Variants in PRUNE2 observed in about 807,000 individuals in gnomAD.
PRUNE2 encodes the protein protein prune homolog 2.
Under a neutral mutation model 252.0 loss-of-function variants are expected in PRUNE2, and 164 were observed. That is an observed-to-expected ratio of 0.65 (90% CI 0.57 to 0.74). PRUNE2 has a LOEUF of 0.74. Ranked by LOEUF, PRUNE2 falls within the 30% of genes least tolerant of loss-of-function variation. PRUNE2 has a pLI of 0.00. For missense variants in PRUNE2, 3,495 were observed against 3,711.0 expected (o/e 0.94, Z 1.51); for synonymous variants, 1,292 against 1,350.2 (o/e 0.96, Z 0.94).
chr9:76,879,137 C>T (rs899561419), intron 1 of PRUNE2, among the ~76,000 whole-genome samples: 10 of 152,196 alleles, frequency 6.6e-5, no homozygotes, highest in African/African-American at 2.2e-4. Context: ...TGTTTAAACA[C>T]ATGGCCACAT....
At chr9:76,779,005 A>G (rs1300041352) in intron 6 of PRUNE2, 1 of 152,200 alleles carries the variant, frequency 6.6e-6, no homozygotes, top group Non-Finnish European at 1.5e-5. Flanking sequence ...ATCACTAGTC[A>G]TCTTAAATAA....
chr9:76,797,038 T>TATGCACACACAC (rs1554774312), intron 6 of PRUNE2, among the ~76,000 whole-genome samples: 1 of 151,640 alleles, frequency 6.6e-6, no homozygotes, highest in Non-Finnish European at 1.5e-5. Context: ...CACTCACACA[T>TATGCACACACAC]ACACACACAC....
At chr9:76,631,458 T>C (rs1837571437) in intron 15 of PRUNE2, among the ~76,000 whole-genome samples, 2 of 152,166 alleles carry the variant, frequency 1.3e-5, no homozygotes, top group East Asian at 3.9e-4. Flanking sequence ...CTGCAAAGCC[T>C]CTCTTGATGC....
intron 9 of PRUNE2, among the ~76,000 whole-genome samples, chr9:76,696,429 CTT>C (rs778314137): frequency 2.0e-5 from 3 of 152,050 alleles, no homozygotes; most frequent in Non-Finnish European, 4.4e-5. Flanking sequence ...CACCCTCCGA[CTT>C]CCACTAGGTT....
At chr9:76,721,016 G>A (rs1019434323) in intron 6 of PRUNE2, among the ~76,000 whole-genome samples, 1 of 152,102 alleles carries the variant, frequency 6.6e-6, no homozygotes, top group Non-Finnish European at 1.5e-5. Flanking sequence ...GCAGGAGAAG[G>A]GCATAAACCC....
chr9:76,619,910 C>T (rs1313720272), intron 17 of PRUNE2, among the ~76,000 whole-genome samples: 3 of 152,172 alleles, frequency 2.0e-5, no homozygotes, highest in African/African-American at 7.2e-5. Context: ...GAGCTGTGTC[C>T]AGGTGATACA....
chr9:76,624,055 T>C lies in PRUNE2; in HGVS notation c.9188+397A>G, dbSNP rs146726161. Among the ~76,000 whole-genome samples the C allele has an allele frequency of 1.9e-3, 286 of 152,370 alleles. 1 individual carries two copies. The highest frequency in any genetic ancestry group is 6.4e-3 in the African/African-American group (268 of 41,580). On this transcript the variant is annotated intron_variant, in intron 17 of 18. Coordinates refer to ENST00000376718, the MANE Select transcript of PRUNE2 (RefSeq NM_015225.3). ...TCATAGAAGGCCGTGAAATTGATTC[T>C]ACAAAAATCTTCCAAATCTCGATGT...
Position 76,702,630 on chromosome 9 carries a change from T to TGAATGAATGAAG in PRUNE2, c.8276+706_8276+707insCTTCATTCATTC, listed in dbSNP as rs1588689034. Among the ~76,000 whole-genome samples the TGAATGAATGAAG allele has an allele frequency of 3.3e-5, 5 of 152,190 alleles. No homozygotes were observed. The East Asian group carries it at 9.7e-4, about 29-fold the overall frequency. On this transcript the variant is annotated intron_variant, in intron 9 of 18. Coordinates refer to ENST00000376718, the MANE Select transcript of PRUNE2 (RefSeq NM_015225.3). ...CATGGTGAATGAATGAATGAATGAA[T>TGAATGAATGAAG]CACTGATTTAATGACAGTTTGCCAA...
At chr9:76,754,737 C>T (rs138576115) in intron 6 of PRUNE2, among the ~76,000 whole-genome samples, 120 of 152,062 alleles carry the variant, frequency 7.9e-4, no homozygotes, top group African/African-American at 2.7e-3. Flanking sequence ...GAGGCCAAGG[C>T]GGGTAGATCA....
chr9:76,724,018 A>C (rs1247229407), intron 6 of PRUNE2, among the ~76,000 whole-genome samples: 1 of 150,506 alleles, frequency 6.6e-6, no homozygotes, highest in African/African-American at 2.4e-5. Context: ...CATGGTCTCG[A>C]TCTCCTGACC....
At chr9:76,893,427 C>A (rs924599159) in intron 1 of PRUNE2, among the ~76,000 whole-genome samples, 1 of 152,190 alleles carries the variant, frequency 6.6e-6, no homozygotes, top group African/African-American at 2.4e-5. Context: ...GGCTGTTTTC[C>A]ACAGCCCTCC....
chr9:76,772,898 T>C (rs1214033909), intron 6 of PRUNE2, among the ~76,000 whole-genome samples: 3 of 152,288 alleles, frequency 2.0e-5, no homozygotes, highest in Middle Eastern at 3.4e-3. Flanking sequence ...CAGTCACACA[T>C]GGATTTCAAA....
chr9:76,735,228 G>T (rs991856858), intron 6 of PRUNE2, among the ~76,000 whole-genome samples: 2 of 152,088 alleles, frequency 1.3e-5, no homozygotes, highest in African/African-American at 4.8e-5. Context: ...TTGAATTTCT[G>T]TCACTTACAA....
At chr9:76,818,262 A>C (rs1052598888) in intron 6 of PRUNE2, among the ~76,000 whole-genome samples, 16 of 152,302 alleles carry the variant, frequency 1.1e-4, no homozygotes, top group African/African-American at 3.8e-4. Context: ...TGTGTGCATA[A>C]AATTGGTAAA....
intron 6 of PRUNE2, among the ~76,000 whole-genome samples, chr9:76,821,582 T>TC (rs1428595153): frequency 3.3e-5 from 5 of 152,098 alleles, no homozygotes; most frequent in African/African-American, 1.2e-4. Flanking sequence ...ATCTTTAATA[T>TC]CCCCATTATG....
chr9:76,836,500 T>G (rs2132222603), intron 4 of PRUNE2, among the ~76,000 whole-genome samples: 1 of 151,994 alleles, frequency 6.6e-6, no homozygotes, highest in Admixed American at 6.6e-5. Flanking sequence ...CTAAAAGATT[T>G]TCTTTCCAAA....
chr9:76,865,843 ACAC>A (rs2060809111), intron 1 of PRUNE2, among the ~76,000 whole-genome samples: 1 of 147,546 alleles, frequency 6.8e-6, no homozygotes, highest in African/African-American at 2.7e-5. Context: ...ACACACACAC[ACAC>A]ACCAGAGCAT....
At chr9:76,876,396 G>C (rs761040693) in intron 1 of PRUNE2, among the ~76,000 whole-genome samples, 23 of 152,080 alleles carry the variant, frequency 1.5e-4, no homozygotes, top group Non-Finnish European at 2.9e-4. Flanking sequence ...TCACAATACT[G>C]ACCCTTTTTG....
intron 9 of PRUNE2, among the ~76,000 whole-genome samples, chr9:76,673,701 C>A (rs1267291682): frequency 7.2e-6 from 1 of 138,192 alleles, no homozygotes; most frequent in Admixed American, 7.1e-5. Context: ...AAAAGCTTAT[C>A]CACCATGATC....
Sources: allele counts gnomAD v4.1 joint callset (sites outside exome capture counted in the v4.1 genomes callset), GRCh38; gene constraint gnomAD v4.1.1; transcripts MANE v1.5; gene names NCBI Gene and HGNC (gene_info 2026-07-23, HGNC 2026-07-21).